The following AOPEP variants were observed in gnomAD, a reference collection of about 807,000 sequenced individuals.
AOPEP encodes aminopeptidase O (putative).
AOPEP carries 77 observed loss-of-function variants against 98.1 expected under a neutral mutation model. The observed-to-expected ratio is 0.78, with a 90% CI of 0.65 to 0.95. AOPEP has a LOEUF of 0.95. Among genes scored for constraint, AOPEP ranks in the 40% least tolerant of loss-of-function variants. The pLI, the probability that AOPEP is intolerant of heterozygous loss-of-function variation, is 0.00. For synonymous variants in AOPEP, 346 were observed against 365.3 expected, an observed-to-expected ratio of 0.95 and a Z score of 0.60; for missense variants, 1,024 against 1,024.7, an observed-to-expected ratio of 1.00 and a Z score of 0.01.
the AOPEP span, chr9:95,114,377 G>C: frequency 1.5e-5 from 8 of 532,226 alleles, no homozygotes; most frequent in African/African-American, 1.5e-4. Flanking sequence ...AAAACCAGAC[G>C]TTAATGTAGA....
intron 13 of AOPEP, among the ~76,000 whole-genome samples, chr9:95,054,712 A>G (rs1392097535): frequency 6.6e-6 from 1 of 152,216 alleles, no homozygotes; most frequent in African/African-American, 2.4e-5. Flanking sequence ...GAATTTCCCA[A>G]AAATCTAATA....
chr9:95,111,060 C>T, the AOPEP span: 1 of 1,483,778 alleles, frequency 6.7e-7, no homozygotes, highest in Admixed American at 2.2e-5. Context: ...CCTGGCCGGG[C>T]TGCTGGGGAG....
chr9:94,794,601 T>A (rs1846495004), intron 4 of AOPEP, among the ~76,000 whole-genome samples: 1 of 152,224 alleles, frequency 6.6e-6, no homozygotes, highest in South Asian at 2.1e-4. Flanking sequence ...AATTTCCACT[T>A]CCTGTTCAGT....
chr9:94,821,938 T>C (rs1409181922), intron 5 of AOPEP, among the ~76,000 whole-genome samples: 1 of 150,738 alleles, frequency 6.6e-6, no homozygotes, highest in Non-Finnish European at 1.5e-5. Flanking sequence ...AAAATTAACA[T>C]AAGCCATAGA....
At chr9:94,767,021 C>T (rs1839790685) in intron 2 of AOPEP, among the ~76,000 whole-genome samples, 1 of 151,970 alleles carries the variant, frequency 6.6e-6, no homozygotes, top group African/African-American at 2.4e-5. Flanking sequence ...GAATTAATTT[C>T]ATTATTTTAT....
the AOPEP span, chr9:95,107,319 C>T: frequency 1.3e-6 from 2 of 1,567,702 alleles, no homozygotes; most frequent in Non-Finnish European, 1.7e-6. Context: ...GCAGGACAGA[C>T]ATACTTCTAG....
chr9:95,090,542 G>T (rs1004119343), downstream of AOPEP, among the ~76,000 whole-genome samples: 8 of 151,698 alleles, frequency 5.3e-5, no homozygotes, highest in African/African-American at 1.9e-4. Context: ...AGCCCAGAGG[G>T]CCCCCCCTTC....
rs189911587 is a variant in AOPEP, at chr9:94,893,282, T to C, written c.1365-30704T>C. Among the ~76,000 whole-genome samples, 4 of 152,268 alleles carry C rather than the reference T, an allele frequency of 2.6e-5. No homozygotes were observed. The East Asian group carries it at 7.7e-4, about 29-fold the overall frequency. The stretch of plus-strand genomic sequence containing the variant: ...GAACATAAGACACTCAAGTTGCTTA[T>C]AGTTTTACCGGGAAGATAAAGACAC... On this transcript the variant is annotated intron_variant, in intron 5 of 16. Transcript: ENST00000375315.
intron 14 of AOPEP, among the ~76,000 whole-genome samples, chr9:95,066,637 C>T (rs1244132982): frequency 6.6e-6 from 1 of 152,072 alleles, no homozygotes; most frequent in African/African-American, 2.4e-5. Context: ...CAGCAGTGGG[C>T]CCACTGTTAC....
At chr9:95,008,238 G>C (rs1042691656) in intron 13 of AOPEP, among the ~76,000 whole-genome samples, 1 of 152,166 alleles carries the variant, frequency 6.6e-6, no homozygotes, top group Admixed American at 6.5e-5. Context: ...TACACCTGCA[G>C]GCTTCTCTCA....
At chr9:94,842,284 C>G (rs772736125) in intron 5 of AOPEP, among the ~76,000 whole-genome samples, 1 of 152,116 alleles carries the variant, frequency 6.6e-6, no homozygotes, top group East Asian at 1.9e-4. Context: ...ATTGCTTGAA[C>G]CTGGGAGGCA....
chr9:94,820,568 T>C (rs1236937276), intron 5 of AOPEP, among the ~76,000 whole-genome samples: 2 of 152,222 alleles, frequency 1.3e-5, no homozygotes, highest in Non-Finnish European at 2.9e-5. Flanking sequence ...AAAATATGGA[T>C]CTTTGACTTT....
At chr9:94,973,418 C>T (rs1396343938) in intron 10 of AOPEP, among the ~76,000 whole-genome samples, 1 of 152,210 alleles carries the variant, frequency 6.6e-6, no homozygotes, top group African/African-American at 2.4e-5. Flanking sequence ...ATTTTAACTT[C>T]GTAAAGAGAT....
intron 7 of AOPEP, among the ~76,000 whole-genome samples, chr9:94,953,026 C>T (rs539992311): frequency 1.3e-5 from 2 of 152,328 alleles, no homozygotes; most frequent in South Asian, 2.1e-4. Context: ...TCCTCCCCTT[C>T]GAGCAGTCTC....
intron 7 of AOPEP, among the ~76,000 whole-genome samples, chr9:94,951,626 C>T (rs2058102737): frequency 6.6e-6 from 1 of 152,204 alleles, no homozygotes; most frequent in Admixed American, 6.5e-5. Flanking sequence ...AATCTGGCTA[C>T]AATTATTGCA....
chr9:95,005,265 C>G, intron 12 of AOPEP, 45 bp downstream of exon 12: 2 of 1,006,970 alleles, frequency 2.0e-6, no homozygotes, highest in Non-Finnish European at 2.4e-6. Flanking sequence ...GGCGCCGGCG[C>G]GAGACCGCGG....
chr9:94,759,702 C>T lies in AOPEP; in HGVS notation c.-82C>T. 2 of 1,081,050 alleles carry T rather than the reference C, an allele frequency of 1.9e-6. No homozygotes were observed. Among genetic ancestry groups the T allele is most frequent in the Non-Finnish European group, 2.7e-6 (2 of 752,326 alleles). 67.0% of individuals were successfully genotyped at this position (1,081,050 alleles called of 1,614,324 possible). Reference sequence around the variant, plus strand: ...ATCAGTTGTTTTCTTTGATAAGCAGCTATTTATGATTCTGGAAGATTAAGG... The same window carrying T: ...ATCAGTTGTTTTCTTTGATAAGCAGTTATTTATGATTCTGGAAGATTAAGG... On this transcript the variant is annotated 5_prime_UTR_variant, in exon 2 of 17. Transcript: ENST00000375315.
At chr9:94,795,422 G>A (rs535613662) in intron 4 of AOPEP, among the ~76,000 whole-genome samples, 5 of 152,148 alleles carry the variant, frequency 3.3e-5, no homozygotes, top group African/African-American at 1.2e-4. Flanking sequence ...TACCTCTTTG[G>A]ACAAAGCCAC....
At chr9:94,952,159 A>T (rs747970342) in intron 7 of AOPEP, among the ~76,000 whole-genome samples, 36 of 152,238 alleles carry the variant, frequency 2.4e-4, no homozygotes, top group Non-Finnish European at 4.6e-4. Flanking sequence ...CATAGGGCTT[A>T]GTTCATCCTA....
Sources: gnomAD v4.1 joint callset for allele counts (sites outside exome capture counted in the v4.1 genomes callset) on GRCh38, gnomAD v4.1.1 for gene constraint, MANE v1.5 for transcripts, NCBI Gene and HGNC (gene_info 2026-07-23, HGNC 2026-07-21) for gene names.